Variants in SSC4D observed in about 807,000 individuals in gnomAD.
SSC4D encodes scavenger receptor cysteine-rich domain-containing group B protein.
In SSC4D, 57 loss-of-function variants were observed where a neutral mutation model predicts 63.4. The ratio of observed to expected loss-of-function variants is 0.90; its 90% CI spans 0.73 to 1.12. The LOEUF (loss-of-function observed/expected upper bound fraction) is 1.12. Among genes scored for constraint, SSC4D ranks in the 50% most tolerant of loss-of-function variants. SSC4D has a pLI of 0.00. For synonymous variants in SSC4D, 352 were observed against 345.4 expected (o/e 1.02, Z -0.21); for missense variants, 791 against 806.4 (o/e 0.98, Z 0.23).
chr7:76,406,607 C>T (rs1489363415), intron 1 of SSC4D, among the ~76,000 whole-genome samples: 1 of 151,962 alleles, frequency 6.6e-6, no homozygotes, highest in African/African-American at 2.4e-5. Flanking sequence ...TCTCAGCCTC[C>T]TGAGGAGCTG....
intron 1 of SSC4D, among the ~76,000 whole-genome samples, chr7:76,405,798 C>T (rs1805006066): frequency 1.3e-5 from 2 of 151,980 alleles, no homozygotes; most frequent in East Asian, 1.9e-4. Flanking sequence ...AGGGGGTTGG[C>T]AGGGTTGGCT....
chr7:76,395,199 C>G (rs1210105495), intron 7 of SSC4D, 54 bp downstream of exon 7: 13 of 1,598,620 alleles, frequency 8.1e-6, no homozygotes, highest in African/African-American at 1.3e-5. Flanking sequence ...TCCCAGTTCC[C>G]AGCCGCACCC....
In SSC4D at chr7:76,393,819, C is replaced by A. The variant is rs1322046763; in HGVS notation, c.1021+11G>T. The stretch of plus-strand genomic sequence containing the variant: ...TCCCCATCCCCCGCAGACCCAGGCA[C>A]CGCCACTTACTTTTCTTCCCCGCGG... On this transcript the variant is annotated intron_variant, in intron 8 of 10. Coordinates refer to ENST00000275560, the MANE Select transcript of SSC4D (RefSeq NM_080744.2). 1 of 1,582,126 alleles carries A rather than the reference C, an allele frequency of 6.3e-7. No homozygotes were observed. Among genetic ancestry groups the A allele is most frequent in the Non-Finnish European group, 8.6e-7 (1 of 1,162,564 alleles).
chr7:76,405,982 T>TC (rs200070368), intron 1 of SSC4D, among the ~76,000 whole-genome samples: 1 of 149,062 alleles, frequency 6.7e-6, no homozygotes, highest in South Asian at 2.2e-4. Context: ...TCCTTTCCTT[T>TC]CTTTTCTTTT....
chr7:76,396,692 A>G (rs1804648654), intron 6 of SSC4D, among the ~76,000 whole-genome samples: 1 of 152,182 alleles, frequency 6.6e-6, no homozygotes, highest in Non-Finnish European at 1.5e-5. Flanking sequence ...TTTCCCACCT[A>G]TACACTGGGA....
Position 76,397,690 on chromosome 7 carries a change from G to T in SSC4D, c.696C>A (p.Cys232Ter), listed in dbSNP as rs776622196. The T allele has an allele frequency of 6.8e-6, 11 of 1,613,270 alleles. No individual in the cohort carries two copies. Among genetic ancestry groups the T allele is most frequent in the Admixed American group, 6.7e-5 (4 of 59,992 alleles). The stretch of plus-strand genomic sequence containing the variant: ...TGGTGGTGGCGGCCATGGCCGCCCC[G>T]CAGCCCAGCTGACGACAGACCACAG... ...DAAVVCRQLG[C>*]GAAMAATTNA... Residue 232 changes from cysteine to a stop codon, truncating the protein, a stop_gained, in exon 6 of 11, where the codon TGC becomes TGA. Transcript: ENST00000275560. LOFTEE classifies it high-confidence loss of function.
At chr7:76,405,538 A>G (rs1804998353) in intron 1 of SSC4D, among the ~76,000 whole-genome samples, 1 of 150,496 alleles carries the variant, frequency 6.6e-6, no homozygotes, top group South Asian at 2.1e-4. Context: ...GCTGCAGCTA[A>G]TGGGGAGGCT....
At chr7:76,397,859 G>T (rs763337831) in intron 5 of SSC4D, 27 bp from the exon 6 acceptor site, 2 of 1,501,640 alleles carry the variant, frequency 1.3e-6, no homozygotes, top group South Asian at 1.3e-5. Context: ...GGGTCAGGGC[G>T]CATCTCCCAC....
rs139339963 is a variant in SSC4D at position 76,400,408 on chromosome 7, C to T, written c.353G>A (p.Gly118Asp). ...CTCCACGTTGTCCAGCAGGATGGGG[C>T]CTCGGCCTTGGCCAAAGGCAAGGGG... ...PRPLAFGQGR[G>D]PILLDNVECR... Residue 118 changes from glycine (G) to aspartate (D), a missense_variant, in exon 4 of 11, where the codon GGC becomes GAC. Transcript: ENST00000275560. 6 of 1,603,780 alleles carry T rather than the reference C, an allele frequency of 3.7e-6. No individual in the cohort carries two copies. In the African/African-American group the frequency reaches 8.0e-5, roughly 21 times the overall value.
At position 76,401,642 on chromosome 7, in the gene SSC4D, C is replaced by T. The variant is rs185609220; in HGVS notation, c.134-599G>A. On this transcript the variant is annotated intron_variant, in intron 2 of 10. Transcript: ENST00000275560. ...ATGTTGGCCAGGCTGGTCTTGAACT[C>T]CTGACCTCAGGTAATCCACCCACTT... 8.8e-4 allele frequency among the ~76,000 whole-genome samples: 134 copies of T among 152,310 alleles called. 1 individual carries two copies. Among genetic ancestry groups the T allele is most frequent in the South Asian group, 7.2e-3 (35 of 4,832 alleles).
At chr7:76,396,049 G>A (rs1804631784) in intron 6 of SSC4D, among the ~76,000 whole-genome samples, 2 of 152,276 alleles carry the variant, frequency 1.3e-5, no homozygotes, top group Non-Finnish European at 2.9e-5. Flanking sequence ...GCCATGCCCA[G>A]GGTTAGCAGG....
In SSC4D at chr7:76,393,436, G is replaced by A. The variant is rs1804547427; in HGVS notation, c.1302C>T (p.Gly434=). The A allele has an allele frequency of 1.3e-6, 2 of 1,507,658 alleles. No homozygotes were observed. The highest frequency in any genetic ancestry group is 1.2e-5 in the South Asian group (1 of 80,582). The allele number at this position is 1,507,658 out of a possible 1,614,324, so 93.4% of individuals were successfully genotyped here. Residue 434 remains glycine, a synonymous_variant, in exon 9 of 11, where the codon GGC becomes GGT. Coordinates refer to ENST00000275560, the MANE Select transcript of SSC4D (RefSeq NM_080744.2). ...AGAGCGCTCCCGCGTCCTCGTGGTGGCCGCAGTTGTGCTGGCCCCAGCCCA... is the reference window on the plus strand; with the variant it reads ...AGAGCGCTCCCGCGTCCTCGTGGTGACCGCAGTTGTGCTGGCCCCAGCCCA... ...FHLGWGQHNC[G]HHEDAGALCA... is the part of the protein sequence containing the mutation.
chr7:76,397,835 G>T lies in SSC4D; in HGVS notation c.554-3C>A, dbSNP rs762179613. 1 of 1,556,552 alleles carries T rather than the reference G, an allele frequency of 6.4e-7. No individual in the cohort carries two copies. The highest frequency in any genetic ancestry group is 1.9e-5 in the Admixed American group (1 of 51,948). On this transcript the variant is annotated splice_polypyrimidine_tract_variant and splice_region_variant and intron_variant, in intron 5 of 10. Transcript: ENST00000275560. ...TACCAGGCGTACGCTGCCCTCACCTGGGGATGGGGGCGGGGGTCAGGGCGC... is the reference window on the plus strand; with the variant it reads ...TACCAGGCGTACGCTGCCCTCACCTTGGGATGGGGGCGGGGGTCAGGGCGC...
intron 5 of SSC4D, 151 bp from the exon 6 acceptor site, chr7:76,397,983 G>A: frequency 2.5e-6 from 2 of 794,422 alleles, no homozygotes; most frequent in Non-Finnish European, 1.9e-6. Context: ...CCAGACTGGG[G>A]GTAGCTTGTG....
Position 76,400,578 on chromosome 7 carries a change from C to A in SSC4D, c.183G>T (p.Val61=). ...GGCCCCGGCAGCGGCTGGGGCCCCC[C>A]ACCAGCCTCAGCTCTGTGAAGAGGG... ...TPLPFQELRL[V]GGPSRCRGRL... Residue 61 remains valine (V), a synonymous_variant, in exon 4 of 11, where the codon GTG becomes GTT. Transcript: ENST00000275560. 3 of 1,478,258 alleles carry A rather than the reference C, an allele frequency of 2.0e-6. No individual in the cohort carries two copies. The highest frequency in any genetic ancestry group is 2.5e-5 in the East Asian group (1 of 39,362). 91.6% of individuals were successfully genotyped at this position (1,478,258 alleles called of 1,614,324 possible). A position where few individuals can be genotyped will look rare whatever the true frequency, so the allele number is the denominator to read the frequency against.
At chr7:76,392,608 CAGTG>C (rs988953170) in intron 9 of SSC4D, among the ~76,000 whole-genome samples, 42 of 149,914 alleles carry the variant, frequency 2.8e-4, no homozygotes, top group African/African-American at 9.8e-4. Context: ...CTGGGCAACA[CAGTG>C]AGACCTCATC....
intron 10 of SSC4D, among the ~76,000 whole-genome samples, chr7:76,391,430 A>T (rs1387621957): frequency 6.6e-6 from 1 of 152,180 alleles, no homozygotes; most frequent in Non-Finnish European, 1.5e-5. Flanking sequence ...ATCTCAAAAA[A>T]ATAAAATAAC....
intron 1 of SSC4D, among the ~76,000 whole-genome samples, chr7:76,408,409 A>G (rs1363363100): frequency 6.6e-6 from 1 of 152,090 alleles, no homozygotes; most frequent in Non-Finnish European, 1.5e-5. Context: ...GACACAGTCC[A>G]GTCTTTGCTT....
chr7:76,390,243 C>T lies in SSC4D; in HGVS notation c.1544G>A (p.Gly515Asp), dbSNP rs1563678652. 3 of 1,614,040 alleles carry T rather than the reference C, an allele frequency of 1.9e-6. No individual in the cohort carries two copies. The highest frequency in any genetic ancestry group is 2.5e-6 in the Non-Finnish European group (3 of 1,179,982). Residue 515 changes from glycine to aspartate, a missense_variant, in exon 11 of 11, where the codon GGC (glycine) becomes GAC (aspartate). Physicochemically the swap from Gly to Asp is moderately conservative, Grantham distance 94 (BLOSUM62 -1). Transcript: ENST00000275560. Reference protein sequence around the residue: ...RAAGVLCRQLGCGQALAAPGE... With the variant: ...RAAGVLCRQLDCGQALAAPGE... ...AGGGGCTGCGAGGGCCTGGCCACAGCCCAGCTGGCGGCACAGGACACCGGC... is the reference window on the plus strand; with the variant it reads ...AGGGGCTGCGAGGGCCTGGCCACAGTCCAGCTGGCGGCACAGGACACCGGC...
Sources: gnomAD v4.1 joint callset for allele counts (sites outside exome capture counted in the v4.1 genomes callset) on GRCh38, gnomAD v4.1.1 for gene constraint, MANE v1.5 for transcripts, NCBI Gene and HGNC (gene_info 2026-07-23, HGNC 2026-07-21) for gene names.